Variants in RMDN1 observed in about 807,000 individuals in gnomAD.
RMDN1 encodes regulator of microtubule dynamics protein 1.
A neutral mutation model predicts 48.9 loss-of-function variants in RMDN1; 48 were observed. The ratio of observed to expected loss-of-function variants is 0.98; its 90% CI spans 0.78 to 1.25. The LOEUF (loss-of-function observed/expected upper bound fraction) is 1.25, where lower values mean the gene tolerates loss of function less well. RMDN1 is among the 50% of genes most tolerant of loss of function. The pLI is 0.00. For synonymous variants in RMDN1, 148 were observed against 132.6 expected (o/e 1.12, Z -0.80); for missense variants, 418 against 373.4 (o/e 1.12, Z -0.98).
At chr8:86,511,902 TATG>T (rs1350717507), upstream of RMDN1, among the ~76,000 whole-genome samples, 1 of 150,736 alleles carries the variant, frequency 6.6e-6, no homozygotes, top group Admixed American at 6.6e-5. Flanking sequence ...AAGGTAGAAA[TATG>T]AGGATCAAAA....
intron 2 of RMDN1, among the ~76,000 whole-genome samples, chr8:86,497,700 CA>C (rs1213399491): frequency 3.2e-3 from 216 of 68,190 alleles, no homozygotes; most frequent in Non-Finnish European, 3.6e-3. Context: ...GACACTATCT[CA>C]AAAAAAAAAA....
intron 2 of RMDN1, chr8:86,503,545 T>C (rs895553645): frequency 1.9e-5 from 6 of 308,286 alleles, no homozygotes; most frequent in South Asian, 9.9e-5. Context: ...TAGATCTTTA[T>C]TGAAGACTTG....
At chr8:86,499,194 T>A (rs540985308) in intron 2 of RMDN1, among the ~76,000 whole-genome samples, 1 of 152,138 alleles carries the variant, frequency 6.6e-6, no homozygotes, top group Non-Finnish European at 1.5e-5. Flanking sequence ...CTTTTAAATA[T>A]AGTACTGGAA....
intron 6 of RMDN1, 150 bp from the exon 7 acceptor site, chr8:86,479,160 T>C (rs929478891): frequency 6.6e-6 from 4 of 605,268 alleles, no homozygotes; most frequent in Middle Eastern, 3.9e-4. Context: ...AATCCAGAGA[T>C]TGACATAGTG....
intron 2 of RMDN1, among the ~76,000 whole-genome samples, chr8:86,498,018 C>T (rs2131104152): frequency 6.6e-6 from 1 of 152,230 alleles, no homozygotes; most frequent in African/African-American, 2.4e-5. Flanking sequence ...GTCGCTTGAA[C>T]CCGGGAGGTG....
chr8:86,478,550 A>G (rs1193355229), intron 7 of RMDN1: 1 of 169,438 alleles, frequency 5.9e-6, no homozygotes, highest in Non-Finnish European at 1.3e-5. Context: ...CAACTTAAGC[A>G]TCTGCTTTAC....
chr8:86,496,576 A>G (rs1385136008), intron 2 of RMDN1, among the ~76,000 whole-genome samples: 2 of 152,134 alleles, frequency 1.3e-5, no homozygotes, highest in African/African-American at 4.8e-5. Flanking sequence ...AAAGAGTTCA[A>G]TTAAACATGA....
At chr8:86,481,958 C>G (rs1324168108) in intron 5 of RMDN1, 7 of 860,938 alleles carry the variant, frequency 8.1e-6, no homozygotes, top group African/African-American at 1.7e-5. Context: ...TGTCATCTTG[C>G]TGCAAGCAGA....
intron 5 of RMDN1, among the ~76,000 whole-genome samples, chr8:86,481,560 CTTTTTTTTTTT>C (rs71275857): frequency 2.9e-5 from 3 of 104,492 alleles, no homozygotes; most frequent in African/African-American, 1.1e-4. Flanking sequence ...ATTAATTTTC[CTTTTTTTTTTT>C]TTTTTTTTTT....
At chr8:86,478,727 C>A (rs979715798) in intron 7 of RMDN1, 196 bp downstream of exon 7, 10 of 544,930 alleles carry the variant, frequency 1.8e-5, no homozygotes, top group Non-Finnish European at 3.2e-5. Flanking sequence ...ACCAGCCACT[C>A]ACCTAACGGG....
chr8:86,513,528 T>C (rs549218652), upstream of RMDN1, among the ~76,000 whole-genome samples: 17 of 152,342 alleles, frequency 1.1e-4, no homozygotes, highest in Non-Finnish European at 2.2e-4. Context: ...ATATTTTCCA[T>C]AGTGTTTTGT....
chr8:86,470,984 A>G (rs1409934147), downstream of RMDN1, among the ~76,000 whole-genome samples: 1 of 152,096 alleles, frequency 6.6e-6, no homozygotes, highest in Non-Finnish European at 1.5e-5. Context: ...TCTACATGTG[A>G]TAGAATTGCA....
intron 2 of RMDN1, chr8:86,504,106 A>G (rs1818865969): frequency 1.3e-5 from 14 of 1,096,886 alleles, no homozygotes; most frequent in Non-Finnish European, 1.8e-5. Context: ...TCTGGAATTC[A>G]AATTCATCCT....
At chr8:86,506,786 A>T (rs971238376) in intron 2 of RMDN1, among the ~76,000 whole-genome samples, 14 of 152,214 alleles carry the variant, frequency 9.2e-5, no homozygotes, top group African/African-American at 2.2e-4. Flanking sequence ...ACCTTCTTCC[A>T]ACTTCACGTC....
chr8:86,483,854 G>T (rs1814996761), intron 5 of RMDN1, among the ~76,000 whole-genome samples: 2 of 143,966 alleles, frequency 1.4e-5, no homozygotes, highest in African/African-American at 2.6e-5. Flanking sequence ...AGACAATGAA[G>T]TTCATCCATG....
chr8:86,474,804 A>G lies in RMDN1; in HGVS notation c.894+16T>C. On this transcript the variant is annotated intron_variant, in intron 9 of 9. Transcript: ENST00000406452. ...CCTCAAAACCTTTCTGCCTTACTTT[A>G]TGGGAGATGTTTTACCTGTTTATCC... 1 of 1,598,802 alleles carries G rather than the reference A, an allele frequency of 6.3e-7. No homozygotes were observed. Among genetic ancestry groups the G allele is most frequent in the Non-Finnish European group, 8.5e-7 (1 of 1,174,306 alleles).
At position 86,472,614 on chromosome 8, in the gene RMDN1, AC is replaced by A; in HGVS notation, c.*1693del. 1.6e-6 allele frequency: 1 copy of A among 607,690 alleles called. No homozygotes were observed. Among genetic ancestry groups the A allele is most frequent in the East Asian group, 2.8e-5 (1 of 36,180 alleles). 37.6% of individuals were successfully genotyped at this position (607,690 alleles called of 1,614,324 possible). A position where few individuals can be genotyped will look rare whatever the true frequency, so the allele number is the denominator to read the frequency against. On this transcript the variant is annotated 3_prime_UTR_variant, in exon 10 of 10. Transcript: ENST00000406452. Reference sequence around the variant, plus strand: ...CTGGTGATGCTACTGTTGCCTAGCTACCCTGACCACATTATTTTTTCACTGT... The same window carrying A: ...CTGGTGATGCTACTGTTGCCTAGCTACCTGACCACATTATTTTTTCACTGT...
At chr8:86,496,884 T>C (rs1212578189) in intron 2 of RMDN1, among the ~76,000 whole-genome samples, 1 of 152,120 alleles carries the variant, frequency 6.6e-6, no homozygotes, top group African/African-American at 2.4e-5. Flanking sequence ...GGCCACATGC[T>C]TGGCCATAAA....
rs1439210346 is a variant in RMDN1 at position 86,481,806 on chromosome 8, T to C, written c.586-1474A>G. 6 of 1,092,416 alleles carry C rather than the reference T, an allele frequency of 5.5e-6. No homozygotes were observed. The East Asian group carries it at 1.4e-4, about 26-fold the overall frequency. 67.7% of individuals were successfully genotyped at this position (1,092,416 alleles called of 1,614,324 possible). ...CCACAAGCCATCTTCATTTTTTTTG[T>C]AGAGTAGGGCTTTATTTCCAGGAAA... On this transcript the variant is annotated intron_variant, in intron 5 of 9. Coordinates refer to ENST00000406452, the MANE Select transcript of RMDN1 (RefSeq NM_016033.3).
Sources: allele counts gnomAD v4.1 joint callset (sites outside exome capture counted in the v4.1 genomes callset), GRCh38; gene constraint gnomAD v4.1.1; transcripts MANE v1.5; gene names NCBI Gene and HGNC (gene_info 2026-07-23, HGNC 2026-07-21).